The following CEP83 variants were observed in gnomAD, a reference collection of about 807,000 sequenced individuals.
CEP83 encodes the protein centrosomal protein 83.
Under a neutral mutation model 101.9 loss-of-function variants are expected in CEP83, and 70 were observed. The ratio of observed to expected loss-of-function variants is 0.69; its 90% confidence interval spans 0.57 to 0.84. CEP83 has a LOEUF of 0.84. Among genes scored for constraint, CEP83 ranks in the 40% least tolerant of loss-of-function variants. The pLI is 0.00. For synonymous variants in CEP83, 264 were observed against 267.9 expected (o/e 0.99, Z 0.14); for missense variants, 715 against 787.2 (o/e 0.91, Z 1.10).
intron 14 of CEP83, among the ~76,000 whole-genome samples, chr12:94,320,859 T>C (rs976311482): frequency 6.6e-6 from 1 of 152,220 alleles, no homozygotes; most frequent in African/African-American, 2.4e-5. Flanking sequence ...CTGATGATTA[T>C]GTGTCTTGGG....
intron 4 of CEP83, among the ~76,000 whole-genome samples, chr12:94,406,648 A>G (rs1272354384): frequency 6.6e-6 from 1 of 152,208 alleles, no homozygotes; most frequent in East Asian, 1.9e-4. Flanking sequence ...AAGGCCGGGC[A>G]AGGTGGCTCA....
At chr12:94,371,026 G>A (rs906093843) in intron 8 of CEP83, among the ~76,000 whole-genome samples, 10 of 151,922 alleles carry the variant, frequency 6.6e-5, no homozygotes, top group Middle Eastern at 3.2e-3. Context: ...AAAATGTGCT[G>A]GGGACAAAGA....
chr12:94,300,976 ACCACATATAGACGG>A, the CEP83 span: 1 of 1,613,858 alleles, frequency 6.2e-7, no homozygotes, highest in African/African-American at 1.3e-5. Context: ...TTAAGAAGAC[ACCACATATAGACGG>A]CTGTTTGTCA....
rs1254729619 is a variant in CEP83, at chr12:94,354,224, T to C, written c.1343+13570A>G. ...TTTTTTTTTTGAGATGGAGTCTTGC[T>C]CTGGCACCCAGGCTGGAGGGCAGTG... On this transcript the variant is annotated intron_variant, in intron 11 of 16. Coordinates refer to ENST00000397809, the MANE Select transcript of CEP83 (RefSeq NM_016122.3). Among the ~76,000 whole-genome samples, 3 of 152,000 alleles carry C rather than the reference T, an allele frequency of 2.0e-5. No homozygotes were observed. In the East Asian group the frequency reaches 5.8e-4, roughly 29 times the overall value.
At chr12:94,337,032 C>T (rs1187283565) in intron 11 of CEP83, among the ~76,000 whole-genome samples, 2 of 152,136 alleles carry the variant, frequency 1.3e-5, no homozygotes, top group Non-Finnish European at 2.9e-5. Context: ...TGGGTCCCAG[C>T]TCAGGTCCAC....
At chr12:94,281,350 G>A in the CEP83 span, among the ~76,000 whole-genome samples, 1 of 152,142 alleles carries the variant, frequency 6.6e-6, no homozygotes, top group African/African-American at 2.4e-5. Context: ...AGCTCTTACA[G>A]CAGAGACTCA....
intron 6 of CEP83, among the ~76,000 whole-genome samples, 160 bp downstream of exon 6, chr12:94,400,690 A>T (rs2063200410): frequency 6.6e-6 from 1 of 152,220 alleles, no homozygotes; most frequent in Non-Finnish European, 1.5e-5. Flanking sequence ...TTTCACAAAA[A>T]AACTGTTGAT....
At chr12:94,394,094 A>C (rs1042094583) in intron 6 of CEP83, among the ~76,000 whole-genome samples, 8 of 152,196 alleles carry the variant, frequency 5.3e-5, no homozygotes, top group African/African-American at 1.7e-4. Flanking sequence ...GCTACCAATG[A>C]CTTTCTTCAC....
At chr12:94,411,973 A>C in intron 3 of CEP83, 126 bp from the exon 4 acceptor site, 1 of 748,152 alleles carries the variant, frequency 1.3e-6, no homozygotes, top group Non-Finnish European at 2.2e-6. Flanking sequence ...TAAACCCACA[A>C]GTATCTTTTA....
In CEP83 at chr12:94,308,481, G is replaced by C; in HGVS notation, c.*332C>G. The C allele has an allele frequency of 5.2e-6, 1 of 190,686 alleles. No homozygotes were observed. The highest frequency in any genetic ancestry group is 1.1e-5 in the Non-Finnish European group (1 of 92,582). The allele number at this position is 190,686 out of a possible 1,614,324, so 11.8% of individuals were successfully genotyped here. A position where few individuals can be genotyped will look rare whatever the true frequency, so the allele number is the denominator to read the frequency against. On this transcript the variant is annotated 3_prime_UTR_variant, in exon 17 of 17. Coordinates refer to ENST00000397809, the MANE Select transcript of CEP83 (RefSeq NM_016122.3). ...TCTCAAAGATGAAGAGAGAATTAATGATAGTTATATTTCACTCAAAATGCC... is the reference window on the plus strand; with the variant it reads ...TCTCAAAGATGAAGAGAGAATTAATCATAGTTATATTTCACTCAAAATGCC...
the CEP83 span, among the ~76,000 whole-genome samples, chr12:94,280,728 C>T: frequency 6.6e-6 from 1 of 152,242 alleles, no homozygotes; most frequent in East Asian, 1.9e-4. Context: ...TCTGAGCATA[C>T]ATCTTGCAAA....
intron 1 of CEP83, among the ~76,000 whole-genome samples, chr12:94,456,318 T>A (rs1421908634): frequency 6.6e-6 from 1 of 152,170 alleles, no homozygotes; most frequent in Non-Finnish European, 1.5e-5. Flanking sequence ...TTCCCACTCT[T>A]CAATCTTTTT....
intron 14 of CEP83, among the ~76,000 whole-genome samples, chr12:94,314,266 C>T (rs757393769): frequency 5.3e-5 from 8 of 152,032 alleles, no homozygotes; most frequent in Non-Finnish European, 8.8e-5. Flanking sequence ...AGAATAGAAA[C>T]GTAAAGCTCA....
At position 94,322,153 on chromosome 12, in the gene CEP83, T is replaced by A. The variant is rs1203043395; in HGVS notation, c.1708-9136A>T. ...GGAGTAACAGGATCAGGGACCCACATACAAAAGCCGTCTAGCTTTTTCCAT... is the reference window on the plus strand; with the variant it reads ...GGAGTAACAGGATCAGGGACCCACAAACAAAAGCCGTCTAGCTTTTTCCAT... On this transcript the variant is annotated intron_variant, in intron 14 of 16. Transcript: ENST00000397809. Among the ~76,000 whole-genome samples the A allele has an allele frequency of 3.9e-5, 6 of 152,078 alleles. No individual in the cohort carries two copies. The South Asian group carries it at 1.2e-3, about 32-fold the overall frequency.
At chr12:94,390,009 T>C (rs1455580272) in intron 6 of CEP83, among the ~76,000 whole-genome samples, 1 of 152,230 alleles carries the variant, frequency 6.6e-6, no homozygotes, top group Non-Finnish European at 1.5e-5. Context: ...CAGGACCTAC[T>C]GCCTCTAGAC....
At chr12:94,279,925 A>G in the CEP83 span, 5 of 572,006 alleles carry the variant, frequency 8.7e-6, no homozygotes, top group Non-Finnish European at 1.6e-5. Flanking sequence ...ATGAGATTGC[A>G]GGCCCTGAGA....
intron 11 of CEP83, among the ~76,000 whole-genome samples, chr12:94,342,520 C>A (rs140325127): frequency 1.3e-5 from 2 of 152,288 alleles, no homozygotes; most frequent in East Asian, 1.9e-4. Context: ...CAAATCCCAG[C>A]AAGTGATCTC....
chr12:94,439,283 G>A (rs911424423), intron 1 of CEP83, among the ~76,000 whole-genome samples: 3 of 152,080 alleles, frequency 2.0e-5, no homozygotes, highest in Admixed American at 6.6e-5. Context: ...GACCATTAGC[G>A]AGATTATCAA....
chr12:94,280,774 C>T, the CEP83 span, among the ~76,000 whole-genome samples: 9 of 152,354 alleles, frequency 5.9e-5, no homozygotes, highest in East Asian at 1.7e-3. Context: ...TGGGCATACC[C>T]CGCCCGACAG....
Sources: allele counts gnomAD v4.1 joint callset (sites outside exome capture counted in the v4.1 genomes callset), GRCh38; gene constraint gnomAD v4.1.1; transcripts MANE v1.5; gene names NCBI Gene and HGNC (gene_info 2026-07-23, HGNC 2026-07-21).